HERPUD2: variants seen among roughly 807,000 people sequenced by gnomAD.
HERPUD2 encodes the protein homocysteine-responsive endoplasmic reticulum-resident ubiquitin-like domain member 2 protein.
Under a neutral mutation model 49.9 loss-of-function variants are expected in HERPUD2, and 13 were observed. The observed-to-expected ratio is 0.26, with a 90% confidence interval of 0.17 to 0.41. HERPUD2 has a LOEUF of 0.41. HERPUD2 is among the 10% of genes least tolerant of loss of function. The pLI is 1.00. For synonymous variants in HERPUD2, 172 were observed against 171.4 expected, an observed-to-expected ratio of 1.00 and a Z score of -0.03; for missense variants, 449 against 492.2, an observed-to-expected ratio of 0.91 and a Z score of 0.83.
chr7:35,681,999 C>T (rs377477481), intron 2 of HERPUD2, among the ~76,000 whole-genome samples: 18 of 152,096 alleles, frequency 1.2e-4, no homozygotes, highest in African/African-American at 4.1e-4. Context: ...GTGAATTATA[C>T]CTGCATTAAG....
chr7:35,638,273 C>T (rs1784903131), intron 6 of HERPUD2, 77 bp downstream of exon 6: 1 of 1,375,186 alleles, frequency 7.3e-7, no homozygotes, highest in Non-Finnish European at 9.9e-7. Context: ...AATGCCAAAT[C>T]AACTTACTTA....
chr7:35,650,691 G>T (rs1014348757), intron 5 of HERPUD2, among the ~76,000 whole-genome samples: 11 of 152,128 alleles, frequency 7.2e-5, no homozygotes, highest in African/African-American at 2.7e-4. Flanking sequence ...GCATTTACAA[G>T]CACCCTGAGG....
chr7:35,658,367 T>C (rs1785329050), intron 5 of HERPUD2, among the ~76,000 whole-genome samples: 1 of 152,030 alleles, frequency 6.6e-6, no homozygotes, highest in Admixed American at 6.6e-5. Flanking sequence ...GAAGGGAAGA[T>C]GAAAAGTTGG....
intron 3 of HERPUD2, 150 bp downstream of exon 3, chr7:35,673,051 G>T: frequency 1.7e-6 from 1 of 573,362 alleles, no homozygotes. Context: ...AAACTATCAT[G>T]TTACTTTCTA....
chr7:35,688,156 A>G (rs1199273862), intron 2 of HERPUD2, among the ~76,000 whole-genome samples: 1 of 152,116 alleles, frequency 6.6e-6, no homozygotes, highest in African/African-American at 2.4e-5. Context: ...GGTCCCAGGA[A>G]GTGCACAAAA....
intron 4 of HERPUD2, among the ~76,000 whole-genome samples, 176 bp downstream of exon 4, chr7:35,670,039 A>G (rs1162474897): frequency 6.6e-6 from 1 of 152,000 alleles, no homozygotes; most frequent in Non-Finnish European, 1.5e-5. Context: ...AACACTGCGT[A>G]TTAGATCTTT....
Position 35,682,361 on chromosome 7 carries a change from A to G in HERPUD2, c.148-9083T>C, listed in dbSNP as rs929457266. 5.2e-3 allele frequency among the ~76,000 whole-genome samples: 207 copies of G among 40,136 alleles called. 26 individuals are homozygous for G. Among genetic ancestry groups the G allele is most frequent in the African/African-American group, 9.7e-3 (127 of 13,150 alleles). The allele number at this position is 40,136 out of a possible 152,430, so 26.3% of individuals were successfully genotyped here. ...TGTGTGTGTGTGTGTGTGTGTGTAT[A>G]TATATATATATATATATATATATAT... is the stretch of plus-strand genomic sequence containing the variant. On this transcript the variant is annotated intron_variant, in intron 2 of 8. Transcript: ENST00000311350.
At position 35,694,370 on chromosome 7, in the gene HERPUD2, T is replaced by C. The variant is rs202216183; in HGVS notation, c.-40A>G. The C allele has an allele frequency of 6.2e-6, 10 of 1,613,188 alleles. No homozygotes were observed. The East Asian group carries it at 6.7e-5, about 11-fold the overall frequency. ...CAGACAGAGTCCAGAGGAGCGGCAG[T>C]TAAGCCCAAAAGAGCCGAGATGGTC... On this transcript the variant is annotated 5_prime_UTR_variant, in exon 2 of 9. Coordinates refer to ENST00000311350, the MANE Select transcript of HERPUD2 (RefSeq NM_022373.5).
In HERPUD2 at chr7:35,694,426, G is replaced by T; in HGVS notation, c.-96C>A. The T allele has an allele frequency of 1.6e-6, 2 of 1,273,388 alleles. No homozygotes were observed. The highest frequency in any genetic ancestry group is 2.3e-6 in the Non-Finnish European group (2 of 881,974). 78.9% of individuals were successfully genotyped at this position (1,273,388 alleles called of 1,614,324 possible). On this transcript the variant is annotated 5_prime_UTR_variant, in exon 2 of 9. Transcript: ENST00000311350. ...CGGCGCGACTGGGATGAGGACAGAA[G>T]TGAGTTCTTAGTATTCCGTGTCCAA...
At chr7:35,644,411 A>G (rs1785015250) in intron 5 of HERPUD2, among the ~76,000 whole-genome samples, 1 of 152,230 alleles carries the variant, frequency 6.6e-6, no homozygotes, top group South Asian at 2.1e-4. Context: ...ACACAGAACA[A>G]CTACAGAAAG....
intron 5 of HERPUD2, among the ~76,000 whole-genome samples, chr7:35,663,776 T>A (rs568404742): frequency 1.1e-4 from 17 of 152,312 alleles, no homozygotes; most frequent in Middle Eastern, 6.8e-3. Flanking sequence ...ATCCCTTTAT[T>A]TTGAGCCTAT....
At chr7:35,691,186 G>C (rs1186691111) in intron 2 of HERPUD2, among the ~76,000 whole-genome samples, 1 of 152,118 alleles carries the variant, frequency 6.6e-6, no homozygotes, top group Admixed American at 6.5e-5. Context: ...GTGCTTTGAG[G>C]GGGAGGGGTA....
At position 35,640,948 on chromosome 7, in the gene HERPUD2, T is replaced by C. The variant is rs145626987; in HGVS notation, c.495-2476A>G. Among the ~76,000 whole-genome samples, 6 of 152,138 alleles carry C rather than the reference T, an allele frequency of 3.9e-5. No individual in the cohort carries two copies. In the East Asian group the frequency reaches 1.2e-3, roughly 29 times the overall value. ...AAAGTATTAAGAGTGAAACCACAGATAGCCTAGAAGAAACTAGAATTATTT... is the reference window on the plus strand; with the variant it reads ...AAAGTATTAAGAGTGAAACCACAGACAGCCTAGAAGAAACTAGAATTATTT... On this transcript the variant is annotated intron_variant, in intron 5 of 8. Transcript: ENST00000311350.
intron 2 of HERPUD2, among the ~76,000 whole-genome samples, chr7:35,690,531 CG>C (rs886304862): frequency 2.6e-5 from 4 of 152,166 alleles, no homozygotes; most frequent in Non-Finnish European, 5.9e-5. Flanking sequence ...TAGTTAAGGC[CG>C]GGAGTGGTGG....
intron 5 of HERPUD2, among the ~76,000 whole-genome samples, chr7:35,651,648 T>C (rs998110523): frequency 1.3e-5 from 2 of 151,350 alleles, no homozygotes; most frequent in African/African-American, 4.9e-5. Flanking sequence ...TGCACAGATA[T>C]CAACATAAGG....
chr7:35,675,286 C>A (rs188265945), intron 2 of HERPUD2, among the ~76,000 whole-genome samples: 1 of 152,168 alleles, frequency 6.6e-6, no homozygotes, highest in South Asian at 2.1e-4. Flanking sequence ...GTTGTGAGAG[C>A]ATAGTAGGAG....
chr7:35,642,521 C>T (rs1784982381), intron 5 of HERPUD2, among the ~76,000 whole-genome samples: 1 of 152,128 alleles, frequency 6.6e-6, no homozygotes. Context: ...AATGTTCATA[C>T]AGCACTATTC....
Position 35,633,651 on chromosome 7 carries a change from G to C in HERPUD2, c.*39C>G, listed in dbSNP as rs376687234. The C allele has an allele frequency of 6.3e-6, 10 of 1,579,344 alleles. No individual in the cohort carries two copies. Among genetic ancestry groups the C allele is most frequent in the Non-Finnish European group, 8.6e-6 (10 of 1,164,164 alleles). On this transcript the variant is annotated 3_prime_UTR_variant, in exon 9 of 9. Transcript: ENST00000311350. ...GCACTGTTATTTAAACCACTTTCCT[G>C]AAGTCAGACCCTCCTTGTAGCTGGC...
intron 5 of HERPUD2, among the ~76,000 whole-genome samples, chr7:35,665,578 T>A (rs963667747): frequency 6.6e-6 from 1 of 152,222 alleles, no homozygotes; most frequent in African/African-American, 2.4e-5. Flanking sequence ...GGTGAGGCGA[T>A]GCCCCGCCCT....
Sources: allele counts gnomAD v4.1 joint callset (sites outside exome capture counted in the v4.1 genomes callset), GRCh38; gene constraint gnomAD v4.1.1; transcripts MANE v1.5; gene names NCBI Gene and HGNC (gene_info 2026-07-23, HGNC 2026-07-21).